Variants in KL observed in about 807,000 individuals in gnomAD.
KL encodes the protein klotho.
In KL, 62 loss-of-function variants were observed where a neutral mutation model predicts 84.2. That is an observed-to-expected ratio of 0.74 (90% CI 0.60 to 0.91). The LOEUF (loss-of-function observed/expected upper bound fraction) is 0.91. KL is among the 40% of genes least tolerant of loss of function. The pLI is 0.00. For synonymous variants in KL, 528 were observed against 528.0 expected, an observed-to-expected ratio of 1.00 and a Z score of 0.00; for missense variants, 1,261 against 1,305.7, an observed-to-expected ratio of 0.97 and a Z score of 0.53.
At position 33,051,397 on chromosome 13, in the gene KL, G is replaced by A. The variant is rs1871745683; in HGVS notation, c.820-2370G>A. Among the ~76,000 whole-genome samples the A allele has an allele frequency of 2.0e-5, 3 of 152,136 alleles. No individual in the cohort carries two copies. In the South Asian group the frequency reaches 6.2e-4, roughly 32 times the overall value. On this transcript the variant is annotated intron_variant, in intron 1 of 4. Transcript: ENST00000380099. Reference sequence around the variant, plus strand: ...TCTACTAGAAATAAAAAAGAAATTAGCCAGGTGCCTGTAGTCCCAGTTACT... The same window carrying A: ...TCTACTAGAAATAAAAAAGAAATTAACCAGGTGCCTGTAGTCCCAGTTACT...
chr13:33,020,998 C>T (rs987938757), intron 1 of KL, among the ~76,000 whole-genome samples: 2 of 152,226 alleles, frequency 1.3e-5, no homozygotes, highest in African/African-American at 4.8e-5. Context: ...TCGCTTTGCT[C>T]AGATGCCTCC....
In KL at chr13:33,064,934, C is replaced by A. The variant is rs938202009; in HGVS notation, c.*748C>A. On this transcript the variant is annotated 3_prime_UTR_variant, in exon 5 of 5. Transcript: ENST00000380099. ...TGATAAGTATCTGCGGAAAAACAAA[C>A]ATGAATCCTGTGATATTGGGCTCTT... is the stretch of plus-strand genomic sequence containing the variant. 7 of 228,644 alleles carry A rather than the reference C, an allele frequency of 3.1e-5. No homozygotes were observed. The highest frequency in any genetic ancestry group is 2.3e-4 in the Admixed American group (4 of 17,606). The allele number at this position is 228,644 out of a possible 1,614,324, so 14.2% of individuals were successfully genotyped here. A position where few individuals can be genotyped will look rare whatever the true frequency, so the allele number is the denominator to read the frequency against.
chr13:33,045,822 T>C (rs1871507598), intron 1 of KL, among the ~76,000 whole-genome samples: 1 of 152,194 alleles, frequency 6.6e-6, no homozygotes, highest in Non-Finnish European at 1.5e-5. Context: ...TCCTTTCTAG[T>C]CGTAGTTTTC....
intron 1 of KL, among the ~76,000 whole-genome samples, chr13:33,042,401 G>A (rs987939954): frequency 3.9e-5 from 6 of 152,016 alleles, no homozygotes; most frequent in Admixed American, 2.6e-4. Context: ...TCTCACCTCC[G>A]TAGGAAACCG....
intron 2 of KL, 76 bp downstream of exon 2, chr13:33,054,353 T>TTCACATCATTTATGTTA: frequency 7.0e-7 from 1 of 1,418,880 alleles, no homozygotes; most frequent in Non-Finnish European, 9.9e-7. Flanking sequence ...CTAACATAAA[T>TTCACATCATTTATGTTA]GATGTGAATT....
intron 1 of KL, among the ~76,000 whole-genome samples, chr13:33,052,022 A>G (rs939753671): frequency 6.6e-6 from 1 of 152,168 alleles, no homozygotes; most frequent in African/African-American, 2.4e-5. Context: ...AGTGGTGTGA[A>G]CATGGCTCAC....
intron 1 of KL, among the ~76,000 whole-genome samples, chr13:33,018,186 G>T (rs1275065383): frequency 6.6e-6 from 1 of 152,010 alleles, no homozygotes; most frequent in Non-Finnish European, 1.5e-5. Context: ...ACAGAGTTTT[G>T]TATCACAATA....
intron 4 of KL, 88 bp downstream of exon 4, chr13:33,061,868 TG>T: frequency 1.5e-6 from 2 of 1,349,190 alleles, no homozygotes; most frequent in Non-Finnish European, 2.1e-6. Context: ...CAACACACAC[TG>T]CCACCCTTGG....
intron 3 of KL, among the ~76,000 whole-genome samples, chr13:33,057,293 G>A (rs938345170): frequency 6.6e-6 from 1 of 152,126 alleles, no homozygotes; most frequent in African/African-American, 2.4e-5. Flanking sequence ...TGGGGGTGTC[G>A]GAGGGAGCCC....
At chr13:33,017,280 G>A (rs1870402333) in intron 1 of KL, 21 bp downstream of exon 1, 6 of 1,540,058 alleles carry the variant, frequency 3.9e-6, no homozygotes, top group Non-Finnish European at 5.2e-6. Context: ...GGGGCCAGGC[G>A]GAGGGCCACG....
At chr13:33,033,069 G>T (rs1871030294) in intron 1 of KL, among the ~76,000 whole-genome samples, 1 of 152,086 alleles carries the variant, frequency 6.6e-6, no homozygotes, top group African/African-American at 2.4e-5. Flanking sequence ...GTAAATATTT[G>T]CTTAATGAAA....
At chr13:33,029,997 C>T (rs1259027808) in intron 1 of KL, among the ~76,000 whole-genome samples, 1 of 151,640 alleles carries the variant, frequency 6.6e-6, no homozygotes, top group Non-Finnish European at 1.5e-5. Flanking sequence ...AGTCCAAGGG[C>T]AAGTCTCTGG....
chr13:33,062,059 G>C (rs1017256065), intron 4 of KL, among the ~76,000 whole-genome samples: 2 of 152,290 alleles, frequency 1.3e-5, no homozygotes, highest in Admixed American at 6.5e-5. Flanking sequence ...AGTCTTAACT[G>C]TTTCATGTAC....
intron 1 of KL, among the ~76,000 whole-genome samples, chr13:33,050,454 G>A (rs956413082): frequency 6.6e-6 from 1 of 152,216 alleles, no homozygotes; most frequent in African/African-American, 2.4e-5. Context: ...AGGTGGTGAA[G>A]CTGGTTCAAC....
chr13:33,021,515 G>T (rs1870573428), intron 1 of KL, among the ~76,000 whole-genome samples: 1 of 152,146 alleles, frequency 6.6e-6, no homozygotes, highest in Non-Finnish European at 1.5e-5. Context: ...TGAGCGATTT[G>T]TCTACTGTAT....
intron 1 of KL, among the ~76,000 whole-genome samples, chr13:33,019,866 A>G (rs1218024372): frequency 6.6e-6 from 1 of 152,118 alleles, no homozygotes; most frequent in Non-Finnish European, 1.5e-5. Context: ...AGTGTAATCC[A>G]GGAGGATGCA....
chr13:33,026,954 C>T lies in KL; in HGVS notation c.819+9695C>T, dbSNP rs563705766. On this transcript the variant is annotated intron_variant, in intron 1 of 4. Coordinates refer to ENST00000380099, the MANE Select transcript of KL (RefSeq NM_004795.4). The stretch of plus-strand genomic sequence containing the variant: ...TTAGGGCAACAATGTCAGGCATTTC[C>T]GCCTGCTCAGCATTGGGCATCCCTT... Among the ~76,000 whole-genome samples the T allele has an allele frequency of 4.6e-5, 7 of 152,300 alleles. No homozygotes were observed. The East Asian group carries it at 1.2e-3, about 25-fold the overall frequency.
At chr13:33,062,979 G>GA (rs1872267694) in intron 4 of KL, among the ~76,000 whole-genome samples, 1 of 152,022 alleles carries the variant, frequency 6.6e-6, no homozygotes, top group African/African-American at 2.4e-5. Context: ...TAACAGGTTA[G>GA]ACACATGCAC....
At chr13:33,038,588 A>G (rs1419883594) in intron 1 of KL, among the ~76,000 whole-genome samples, 1 of 152,218 alleles carries the variant, frequency 6.6e-6, no homozygotes, top group Non-Finnish European at 1.5e-5. Context: ...CAACTAGACC[A>G]TTTGGTGAAA....
Sources: gnomAD v4.1 joint callset for allele counts (sites outside exome capture counted in the v4.1 genomes callset) on GRCh38, gnomAD v4.1.1 for gene constraint, MANE v1.5 for transcripts, NCBI Gene and HGNC (gene_info 2026-07-23, HGNC 2026-07-21) for gene names.